The following KMT2C variants were observed in gnomAD, a reference collection of about 807,000 sequenced individuals.
KMT2C encodes the protein lysine methyltransferase 2C.
A neutral mutation model predicts 507.9 loss-of-function variants in KMT2C; 88 were observed. That is an observed-to-expected ratio of 0.17 (90% CI 0.15 to 0.21). The LOEUF is 0.21. Ranked by LOEUF, KMT2C falls within the 10% of genes least tolerant of loss-of-function variation. The pLI is 1.00. For missense variants in KMT2C, 4,954 were observed against 5,957.8 expected (o/e 0.83, Z 5.55); for synonymous variants, 2,049 against 2,080.8 (o/e 0.98, Z 0.42).
chr7:152,177,628 G>A lies in KMT2C; in HGVS notation c.7825C>T (p.Arg2609Ter), dbSNP rs2129115127. 1 of 1,614,112 alleles carries A rather than the reference G, an allele frequency of 6.2e-7. No individual in the cohort carries two copies. Among genetic ancestry groups the A allele is most frequent in the Non-Finnish European group, 8.5e-7 (1 of 1,180,018 alleles). ...FPGPRHTDPM[R>*]RPPQGLPNQL... ...TTAGGTAGACCCTGGGGAGGTCGTC[G>A]CATGGGGTCTGTGTGTCTAGGGCCC... The change falls in exon 38 of 59, where the codon CGA (arginine) becomes TGA (stop). Residue 2609 changes from arginine (R) to a stop codon, truncating the protein, a stop_gained. Coordinates refer to ENST00000262189, the MANE Select transcript of KMT2C (RefSeq NM_170606.3). LOFTEE classifies it high-confidence loss of function.
At chr7:152,368,724 G>T in intron 1 of KMT2C, 1 of 1,163,338 alleles carries the variant, frequency 8.6e-7, no homozygotes, top group Non-Finnish European at 1.3e-6. Context: ...ATCAGTGTTT[G>T]TTGGATCCGT....
At chr7:152,282,905 T>C (rs2096244423) in intron 6 of KMT2C, among the ~76,000 whole-genome samples, 1 of 152,120 alleles carries the variant, frequency 6.6e-6, no homozygotes, top group Non-Finnish European at 1.5e-5. Flanking sequence ...GAATTTTAGA[T>C]AAAAACTCAA....
At position 152,138,937 on chromosome 7, in the gene KMT2C, A is replaced by C. The variant is rs778650852; in HGVS notation, c.14535-33T>G. ...CCACCATGTCAGAAAACTGTATTGT[A>C]AAACAGCTAGAAGCAGCTTTAAAAA... On this transcript the variant is annotated intron_variant, in intron 57 of 58. Coordinates refer to ENST00000262189, the MANE Select transcript of KMT2C (RefSeq NM_170606.3). This position sits in a 1 kb window ranked among gnomAD's most constrained non-coding sequence, Gnocchi z 4.2. The C allele has an allele frequency of 8.0e-6, 12 of 1,509,416 alleles. No homozygotes were observed. In the Admixed American group the frequency reaches 1.2e-4, roughly 15 times the overall value. The allele number at this position is 1,509,416 out of a possible 1,614,324, so 93.5% of individuals were successfully genotyped here. A position where few individuals can be genotyped will look rare whatever the true frequency, so the allele number is the denominator to read the frequency against.
chr7:152,291,885 T>A (rs374623030), intron 6 of KMT2C, among the ~76,000 whole-genome samples: 18 of 152,264 alleles, frequency 1.2e-4, no homozygotes, highest in African/African-American at 4.1e-4. Flanking sequence ...TTTACCTTAA[T>A]AAAACATAAT....
intron 1 of KMT2C, among the ~76,000 whole-genome samples, chr7:152,389,379 CACTT>C (rs956752441): frequency 2.7e-5 from 4 of 149,472 alleles, no homozygotes; most frequent in African/African-American, 9.9e-5. Context: ...AAAATACTGT[CACTT>C]ACGTCACTCA....
rs151267950 is a variant in KMT2C, at chr7:152,194,520, A to C, written c.4427T>G (p.Val1476Gly). ...ACTTAATGGTCGTGAACTCTGATTG[A>C]CATTTGGCTGAGGCAAAGAGGAAGG... The part of the protein sequence containing the change: ...DDPSSLPQPN[V>G]NQSSRPLSEE... The change falls in exon 29 of 59, where the codon GTC becomes GGC. Residue 1476 changes from valine (V) to glycine (G), a missense_variant. Val to Gly is a moderately radical substitution (Grantham distance 109). This residue lies in a region of KMT2C where 140 missense variants were observed against 118.4 expected (regional missense o/e 1.18). Coordinates refer to ENST00000262189, the MANE Select transcript of KMT2C (RefSeq NM_170606.3). 20 of 1,613,018 alleles carry C rather than the reference A, an allele frequency of 1.2e-5. No individual in the cohort carries two copies. Among genetic ancestry groups the C allele is most frequent in the Non-Finnish European group, 1.7e-5 (20 of 1,179,104 alleles).
intron 9 of KMT2C, among the ~76,000 whole-genome samples, chr7:152,255,109 T>TATATATATA (rs1588626891): frequency 0.01 from 821 of 78,314 alleles, 40 homozygotes; most frequent in Non-Finnish European, 0.012. Flanking sequence ...CAACTCTCAC[T>TATATATATA]TATATATATA....
At chr7:152,249,787 T>A in intron 13 of KMT2C, 89 bp downstream of exon 13, 1 of 667,306 alleles carries the variant, frequency 1.5e-6, no homozygotes, top group Admixed American at 2.1e-5. Context: ...CCGTAATGTA[T>A]ATACATACAG....
In KMT2C at chr7:152,154,437, T is replaced by C; in HGVS notation, c.11969A>G (p.Asp3990Gly). The C allele has an allele frequency of 6.2e-7, 1 of 1,612,774 alleles. No individual in the cohort carries two copies. Among genetic ancestry groups the C allele is most frequent in the Non-Finnish European group, 8.5e-7 (1 of 1,179,992 alleles). ...AGGAGTATCTCGATCACCACAGTGA[T>C]CCTGTATCCTGAAAAAACATAAACA... ...HNNQEELRIQ[D>G]HCGDRDTPDS... Residue 3990 changes from aspartate (D) to glycine (G), a missense_variant, in exon 47 of 59, where the codon GAT becomes GGT. Asp to Gly is a moderately conservative substitution (Grantham distance 94). Coordinates refer to ENST00000262189, the MANE Select transcript of KMT2C (RefSeq NM_170606.3).
In KMT2C at chr7:152,185,622, G is replaced by C. The variant is rs2093602467; in HGVS notation, c.5018C>G (p.Thr1673Ser). The C allele has an allele frequency of 6.2e-7, 1 of 1,612,148 alleles. No homozygotes were observed. Among genetic ancestry groups the C allele is most frequent in the Non-Finnish European group, 8.5e-7 (1 of 1,178,790 alleles). The change falls in exon 34 of 59, where the codon ACT (threonine) becomes AGT (serine). Residue 1673 changes from threonine (T) to serine (S), a missense_variant. Physicochemically the swap from Thr to Ser is moderately conservative, Grantham distance 58 (BLOSUM62 1). Around this residue, in one of 29 missense-constraint regions of KMT2C, gnomAD observed 24 missense variants for 52.9 expected, o/e 0.45. Transcript: ENST00000262189. ...NLKEEFPDWT[T>S]RVKQIAKLWR... Reference sequence around the variant, plus strand: ...CAATTTGGCAATTTGCTTCACTCTAGTAGTCCAATCTGCAACAAAAGAACA... The same window carrying C: ...CAATTTGGCAATTTGCTTCACTCTACTAGTCCAATCTGCAACAAAAGAACA...
At chr7:152,261,888 C>T (rs1012678931) in intron 9 of KMT2C, among the ~76,000 whole-genome samples, 11 of 152,138 alleles carry the variant, frequency 7.2e-5, no homozygotes, top group African/African-American at 2.7e-4. Flanking sequence ...AGGAAGCAGG[C>T]CAGAGTTCAT....
At chr7:152,191,295 C>T (rs752709921) in intron 31 of KMT2C, among the ~76,000 whole-genome samples, 16 of 151,992 alleles carry the variant, frequency 1.1e-4, no homozygotes, top group African/African-American at 2.4e-4. Context: ...TTCATTGTAC[C>T]TCCACTACCT....
chr7:152,297,808 A>C (rs988125041), intron 6 of KMT2C, among the ~76,000 whole-genome samples: 7 of 152,216 alleles, frequency 4.6e-5, no homozygotes, highest in African/African-American at 1.7e-4. Flanking sequence ...CAGGCATAAA[A>C]AGCAGCAGAC....
chr7:152,360,077 G>T (rs953341662), intron 1 of KMT2C, among the ~76,000 whole-genome samples: 3 of 71,380 alleles, frequency 4.2e-5, no homozygotes, highest in Non-Finnish European at 4.7e-5. Context: ...GGGGGGTGGG[G>T]GGGGGGGGAC....
intron 3 of KMT2C, among the ~76,000 whole-genome samples, chr7:152,326,433 GA>G (rs1160351127): frequency 4.0e-5 from 6 of 151,560 alleles, no homozygotes; most frequent in African/African-American, 1.5e-4. Flanking sequence ...TATATTATTG[GA>G]AAATATTCTA....
At chr7:152,238,190 C>A (rs1358794115) in intron 15 of KMT2C, among the ~76,000 whole-genome samples, 10 of 152,088 alleles carry the variant, frequency 6.6e-5, no homozygotes, top group East Asian at 5.9e-4. Context: ...TGAGTTAATA[C>A]TTTTTCAAAT....
chr7:152,310,131 TAATA>T (rs1028044119), intron 5 of KMT2C, 56 bp from the exon 6 acceptor site: 4 of 1,184,210 alleles, frequency 3.4e-6, no homozygotes, highest in African/African-American at 3.1e-5. Context: ...AAATTAAAGC[TAATA>T]AATAAAGACA....
chr7:152,307,611 T>G (rs1272286052), intron 6 of KMT2C, among the ~76,000 whole-genome samples: 2 of 152,156 alleles, frequency 1.3e-5, no homozygotes, highest in Admixed American at 6.5e-5. Flanking sequence ...CTAAACAAAG[T>G]CGGAAGGGAT....
intron 1 of KMT2C, among the ~76,000 whole-genome samples, chr7:152,408,386 A>AT (rs2097643898): frequency 2.6e-5 from 4 of 152,214 alleles, no homozygotes; most frequent in African/African-American, 9.7e-5. Flanking sequence ...TAAACTAGGC[A>AT]CTACTGCTTC....
Sources: allele counts gnomAD v4.1 joint callset (sites outside exome capture counted in the v4.1 genomes callset), GRCh38; gene constraint gnomAD v4.1.1; regional missense constraint gnomAD v4.1.1; non-coding constraint Gnocchi (gnomAD v3.1); transcripts MANE v1.5; gene names NCBI Gene and HGNC (gene_info 2026-07-23, HGNC 2026-07-21).